Variants in SMOC1 observed in about 807,000 individuals in gnomAD.
The protein encoded by SMOC1 is SPARC related modular calcium binding 1.
Under a neutral mutation model 56.3 loss-of-function variants are expected in SMOC1, and 22 were observed. The observed-to-expected ratio is 0.39, with a 90% CI of 0.28 to 0.56. The LOEUF (loss-of-function observed/expected upper bound fraction) is 0.56. Ranked by LOEUF, SMOC1 falls within the 20% of genes least tolerant of loss-of-function variation. The probability of loss-of-function intolerance (pLI) is 0.61; values close to 1 mark genes in which losing one functional copy is unlikely to be tolerated. For synonymous variants in SMOC1, 193 were observed against 215.0 expected, an observed-to-expected ratio of 0.90 and a Z score of 0.89; for missense variants, 509 against 565.4, an observed-to-expected ratio of 0.90 and a Z score of 1.01.
At chr14:69,931,916 C>T (rs1885174687) in intron 1 of SMOC1, among the ~76,000 whole-genome samples, 1 of 152,220 alleles carries the variant, frequency 6.6e-6, no homozygotes, top group South Asian at 2.1e-4. Flanking sequence ...TCCTGTGACG[C>T]AGCTTGAGTC....
At chr14:69,957,771 C>G (rs1883241136) in intron 3 of SMOC1, among the ~76,000 whole-genome samples, 2 of 152,194 alleles carry the variant, frequency 1.3e-5, no homozygotes, top group Admixed American at 6.5e-5. Flanking sequence ...TACCTCATTT[C>G]CATCTCCTGC....
intron 1 of SMOC1, among the ~76,000 whole-genome samples, chr14:69,911,396 T>C (rs1884552258): frequency 6.6e-6 from 1 of 152,232 alleles, no homozygotes; most frequent in Non-Finnish European, 1.5e-5. Context: ...AACACAGTTT[T>C]TGGTGAACAG....
intron 1 of SMOC1, among the ~76,000 whole-genome samples, chr14:69,941,345 A>T (rs977309350): frequency 2.6e-5 from 4 of 152,188 alleles, no homozygotes; most frequent in African/African-American, 9.7e-5. Flanking sequence ...GGCAGCGTGC[A>T]TGTAGATGCC....
At chr14:69,950,702 G>A (rs1033290965) in intron 1 of SMOC1, among the ~76,000 whole-genome samples, 1 of 152,190 alleles carries the variant, frequency 6.6e-6, no homozygotes, top group African/African-American at 2.4e-5. Flanking sequence ...ATCTAATCAT[G>A]GGTTATGGAG....
intron 1 of SMOC1, among the ~76,000 whole-genome samples, chr14:69,929,168 T>C (rs1249313858): frequency 6.6e-6 from 1 of 152,196 alleles, no homozygotes; most frequent in East Asian, 1.9e-4. Flanking sequence ...GGAGGCTCTA[T>C]GCTCGCCCAT....
intron 1 of SMOC1, among the ~76,000 whole-genome samples, chr14:69,929,975 A>T (rs376418567): frequency 1.1e-4 from 17 of 152,068 alleles, no homozygotes; most frequent in Admixed American, 9.2e-4. Flanking sequence ...ACAGGACTTG[A>T]GAGTTCGGCC....
chr14:70,028,763 G>T (rs900355063), intron 11 of SMOC1, among the ~76,000 whole-genome samples: 1 of 152,190 alleles, frequency 6.6e-6, no homozygotes, highest in African/African-American at 2.4e-5. Flanking sequence ...CCACCTGCCT[G>T]CCTTGGGGCT....
At chr14:69,951,053 G>A (rs555520224) in intron 1 of SMOC1, among the ~76,000 whole-genome samples, 17 of 152,262 alleles carry the variant, frequency 1.1e-4, no homozygotes, top group Admixed American at 4.6e-4. Context: ...TCTTCACTCA[G>A]CATGTCTCTG....
chr14:70,024,407 G>A (rs1270298287), intron 11 of SMOC1, among the ~76,000 whole-genome samples: 1 of 152,136 alleles, frequency 6.6e-6, no homozygotes, highest in Admixed American at 6.6e-5. Flanking sequence ...TGTGAACTAA[G>A]AATGATTTTT....
chr14:70,013,539 C>T, intron 10 of SMOC1, 48 bp downstream of exon 10: 1 of 1,541,022 alleles, frequency 6.5e-7, no homozygotes, highest in Non-Finnish European at 9.0e-7. Context: ...TGTGGGGCCC[C>T]TGACTTTTCA....
At chr14:69,916,062 C>T in intron 1 of SMOC1, among the ~76,000 whole-genome samples, 1 of 152,322 alleles carries the variant, frequency 6.6e-6, no homozygotes, top group African/African-American at 2.4e-5. Context: ...CTCAACATCT[C>T]TATGTGGGCG....
At chr14:69,984,150 G>A (rs1884278306) in intron 5 of SMOC1, among the ~76,000 whole-genome samples, 1 of 152,208 alleles carries the variant, frequency 6.6e-6, no homozygotes, top group Non-Finnish European at 1.5e-5. Context: ...GAACAGAATA[G>A]AGGACCCAGA....
intron 1 of SMOC1, among the ~76,000 whole-genome samples, chr14:69,901,887 GAA>G (rs1884250709): frequency 6.6e-6 from 1 of 152,180 alleles, no homozygotes; most frequent in Non-Finnish European, 1.5e-5. Context: ...CCTATTGTAG[GAA>G]ACATCTGTTG....
chr14:69,914,141 C>G (rs1242409674), intron 1 of SMOC1, among the ~76,000 whole-genome samples: 2 of 152,190 alleles, frequency 1.3e-5, no homozygotes, highest in African/African-American at 4.8e-5. Context: ...GCGTGGGGCC[C>G]AGCAGGCTGT....
chr14:69,895,369 A>G (rs1884067704), intron 1 of SMOC1, among the ~76,000 whole-genome samples: 1 of 152,316 alleles, frequency 6.6e-6, no homozygotes. Context: ...GTAAAGGTAG[A>G]TCTTGGTGTA....
chr14:70,004,783 A>G (rs866635789), intron 7 of SMOC1, among the ~76,000 whole-genome samples: 5 of 152,180 alleles, frequency 3.3e-5, no homozygotes, highest in Non-Finnish European at 7.3e-5. Context: ...ACAAATAGAT[A>G]TAAAGATACA....
At position 69,931,395 on chromosome 14, in the gene SMOC1, T is replaced by C. The variant is rs367691065; in HGVS notation, c.100-20743T>C. Among the ~76,000 whole-genome samples, 33 of 152,374 alleles carry C rather than the reference T, an allele frequency of 2.2e-4. No individual in the cohort carries two copies. The East Asian group carries it at 6.4e-3, about 29-fold the overall frequency. On this transcript the variant is annotated intron_variant, in intron 1 of 11. Transcript: ENST00000361956. ...CCTTCAGCTCCACTCGCTGTCGTCC[T>C]CTGGACAATTCCATGACAGGCGGGC...
intron 10 of SMOC1, among the ~76,000 whole-genome samples, chr14:70,014,934 T>G (rs2139596365): frequency 6.6e-6 from 1 of 152,292 alleles, no homozygotes; most frequent in South Asian, 2.1e-4. Context: ...GGTAGGAGTT[T>G]AGGGCTCCAA....
intron 1 of SMOC1, among the ~76,000 whole-genome samples, chr14:69,892,686 A>G (rs921939153): frequency 9.2e-5 from 14 of 152,176 alleles, no homozygotes; most frequent in African/African-American, 3.1e-4. Context: ...TTTGAAGCAA[A>G]CATCTCCCTA....
Sources: gnomAD v4.1 joint callset for allele counts (sites outside exome capture counted in the v4.1 genomes callset) on GRCh38, gnomAD v4.1.1 for gene constraint, MANE v1.5 for transcripts, NCBI Gene and HGNC (gene_info 2026-07-23, HGNC 2026-07-21) for gene names.